AHCYL1: variants seen among roughly 807,000 people sequenced by gnomAD.
AHCYL1 encodes the protein S-adenosylhomocysteine hydrolase-like protein 1.
AHCYL1 carries 20 observed loss-of-function variants against 79.3 expected under a neutral mutation model. The observed-to-expected ratio is 0.25, with a 90% CI of 0.18 to 0.37. AHCYL1 has a LOEUF of 0.37. Ranked by LOEUF, AHCYL1 falls within the 10% of genes least tolerant of loss-of-function variation. The pLI is 1.00. For synonymous variants in AHCYL1, 223 were observed against 242.2 expected (o/e 0.92, Z 0.74); for missense variants, 330 against 673.6 (o/e 0.49, Z 5.65).
At chr1:110,019,304 GT>G (rs1651638645) in intron 14 of AHCYL1, among the ~76,000 whole-genome samples, 185 bp downstream of exon 14, 1 of 152,172 alleles carries the variant, frequency 6.6e-6, no homozygotes, top group African/African-American at 2.4e-5. Flanking sequence ...TGAATTGGCT[GT>G]TTTAGTTGAG....
At chr1:109,995,707 C>T (rs1329882762) in intron 1 of AHCYL1, 1 of 984,988 alleles carries the variant, frequency 1.0e-6, no homozygotes, top group Non-Finnish European at 1.2e-6. Context: ...AAGAAGGTAT[C>T]AGTCACATAG....
intron 15 of AHCYL1, 148 bp from the exon 16 acceptor site, chr1:110,020,583 T>G (rs1025284597): frequency 3.2e-5 from 37 of 1,148,786 alleles, no homozygotes; most frequent in Non-Finnish European, 4.4e-5. Flanking sequence ...TTTTTTTAAT[T>G]AAGCAAATAT....
intron 1 of AHCYL1, among the ~76,000 whole-genome samples, chr1:110,000,618 T>C (rs1407327280): frequency 2.0e-5 from 3 of 152,210 alleles, no homozygotes; most frequent in Non-Finnish European, 4.4e-5. Context: ...AGAAAGCTTA[T>C]AGTGCAACAG....
At chr1:109,989,311 AC>A (rs1490641890) in intron 1 of AHCYL1, among the ~76,000 whole-genome samples, 1 of 152,180 alleles carries the variant, frequency 6.6e-6, no homozygotes, top group Non-Finnish European at 1.5e-5. Flanking sequence ...ACAAATGTAT[AC>A]CTTTTCTTTT....
chr1:110,020,010 G>A (rs1651688362), intron 15 of AHCYL1, among the ~76,000 whole-genome samples: 1 of 152,196 alleles, frequency 6.6e-6, no homozygotes, highest in South Asian at 2.1e-4. Flanking sequence ...GTGAGGATAT[G>A]CAAACCATCC....
chr1:110,004,341 C>A, intron 1 of AHCYL1: 1 of 985,392 alleles, frequency 1.0e-6, no homozygotes, highest in Non-Finnish European at 1.2e-6. Flanking sequence ...CCAAAACCTG[C>A]TAAGTCTCAG....
rs1651886442 is a variant in AHCYL1, at chr1:110,022,873, A to G, written c.*1193A>G. The G allele has an allele frequency of 6.6e-6, 1 of 152,482 alleles. No homozygotes were observed. Among genetic ancestry groups the G allele is most frequent in the South Asian group, 2.1e-4 (1 of 4,836 alleles). 9.4% of individuals were successfully genotyped at this position (152,482 alleles called of 1,614,324 possible). On this transcript the variant is annotated 3_prime_UTR_variant, in exon 17 of 17. Transcript: ENST00000369799. ...GTAATATGACTTTTGATTGCTACAT[A>G]CCACAAAGAGTTTATGAACTGAGAT...
Position 110,014,860 on chromosome 1 carries a change from A to T in AHCYL1, c.675+3A>T. ...TGGATGGGTGGCAGGCCAACATGGTAATAATGCATATACATCCTACACTTT... is the reference window on the plus strand; with the variant it reads ...TGGATGGGTGGCAGGCCAACATGGTTATAATGCATATACATCCTACACTTT... On this transcript the variant is annotated splice_donor_region_variant and intron_variant, in intron 6 of 16. Transcript: ENST00000369799. The T allele has an allele frequency of 6.2e-7, 1 of 1,610,662 alleles. No individual in the cohort carries two copies. The highest frequency in any genetic ancestry group is 8.5e-7 in the Non-Finnish European group (1 of 1,176,812).
rs748798463 is a variant in AHCYL1, at chr1:109,985,051, GA to G, written c.1del. 6.3e-7 allele frequency: 1 copy of G among 1,580,098 alleles called. No individual in the cohort carries two copies. On this transcript the variant is annotated 5_prime_UTR_variant, in exon 1 of 17. Coordinates refer to ENST00000369799, the MANE Select transcript of AHCYL1 (RefSeq NM_006621.7). ...TCAGCCGCTGGCCGGGCCGGCCGGG[GA>G]ATGTCGATGCCTGACGCGATGCCGC...
At position 109,987,140 on chromosome 1, in the gene AHCYL1, G is replaced by A. The variant is rs538861920; in HGVS notation, c.120+1968G>A. Reference sequence around the variant, plus strand: ...CATTTACGTAGTACTTTGTAATAAAGTGTTTCATGATGACTAATTACCCTT... The same window carrying A: ...CATTTACGTAGTACTTTGTAATAAAATGTTTCATGATGACTAATTACCCTT... On this transcript the variant is annotated intron_variant, in intron 1 of 16. Transcript: ENST00000369799. 4.6e-5 allele frequency among the ~76,000 whole-genome samples: 7 copies of A among 152,278 alleles called. No homozygotes were observed. In the South Asian group the frequency reaches 1.5e-3, roughly 32 times the overall value.
Position 109,997,557 on chromosome 1 carries a change from G to A in AHCYL1, c.121-11477G>A, listed in dbSNP as rs151261182. On this transcript the variant is annotated intron_variant, in intron 1 of 16. Transcript: ENST00000369799. ...CCAAATAGTACCCGGGATAAAAAGC[G>A]GGACGGCAGATAAGGGTTTGCCTTA... is the stretch of plus-strand genomic sequence containing the variant. 1.9e-3 allele frequency among the ~76,000 whole-genome samples: 293 copies of A among 152,294 alleles called. 1 individual carries two copies. Among genetic ancestry groups the A allele is most frequent in the African/African-American group, 6.7e-3 (279 of 41,552 alleles).
At chr1:110,018,925 A>C in intron 13 of AHCYL1, 126 bp from the exon 14 acceptor site, 2 of 917,012 alleles carry the variant, frequency 2.2e-6, no homozygotes, top group Non-Finnish European at 1.8e-6. Flanking sequence ...CCTGATCTGG[A>C]ACTGTAATTC....
At position 109,985,001 on chromosome 1, in the gene AHCYL1, G is replaced by C. The variant is rs1037964641; in HGVS notation, c.-52G>C. On this transcript the variant is annotated 5_prime_UTR_variant, in exon 1 of 17. Transcript: ENST00000369799. ...CGCGGGCAGGCGGGCGGGCGCCAGAGGGGGAAAGAGGCGGGGGCGGCGGGT... is the reference window on the plus strand; with the variant it reads ...CGCGGGCAGGCGGGCGGGCGCCAGACGGGGAAAGAGGCGGGGGCGGCGGGT... The C allele has an allele frequency of 1.3e-5, 19 of 1,468,772 alleles. No homozygotes were observed. The highest frequency in any genetic ancestry group is 1.6e-5 in the Non-Finnish European group (18 of 1,106,328). 91.0% of individuals were successfully genotyped at this position (1,468,772 alleles called of 1,614,324 possible). A position where few individuals can be genotyped will look rare whatever the true frequency, so the allele number is the denominator to read the frequency against.
At chr1:109,997,613 T>G (rs1650093469) in intron 1 of AHCYL1, among the ~76,000 whole-genome samples, 1 of 152,204 alleles carries the variant, frequency 6.6e-6, no homozygotes. Flanking sequence ...ATATCTCTGT[T>G]GCTGGAAAAG....
intron 1 of AHCYL1, 79 bp from the exon 2 acceptor site, chr1:110,008,955 G>C: frequency 8.9e-7 from 1 of 1,124,044 alleles, no homozygotes; most frequent in Non-Finnish European, 1.3e-6. Context: ...TTTAGGGAAA[G>C]ACAATGTATC....
chr1:110,006,710 T>G (rs138651431), intron 1 of AHCYL1, among the ~76,000 whole-genome samples: 4 of 152,364 alleles, frequency 2.6e-5, no homozygotes, highest in African/African-American at 9.6e-5. Flanking sequence ...AGAGCAGATG[T>G]ATTCCACAGC....
rs774883786 is a variant in AHCYL1 at position 110,009,871 on chromosome 1, A to G, written c.232+726A>G. ...TTAGGGACATCTAATGGGGCATCCA[A>G]TACAACCTTGTCATTGTTTAACTGA... On this transcript the variant is annotated intron_variant, in intron 2 of 16. Coordinates refer to ENST00000369799, the MANE Select transcript of AHCYL1 (RefSeq NM_006621.7). 2.4e-4 allele frequency among the ~76,000 whole-genome samples: 37 copies of G among 152,256 alleles called. 1 individual carries two copies. The highest frequency in any genetic ancestry group is 4.1e-4 in the Non-Finnish European group (28 of 68,046).
intron 1 of AHCYL1, among the ~76,000 whole-genome samples, chr1:109,990,693 T>G (rs1204122493): frequency 1.3e-5 from 2 of 152,206 alleles, no homozygotes; most frequent in African/African-American, 4.8e-5. Flanking sequence ...TTAGAGCTTT[T>G]GATGGAGTTG....
chr1:110,020,468 A>C (rs1233361329), intron 15 of AHCYL1, among the ~76,000 whole-genome samples: 1 of 152,120 alleles, frequency 6.6e-6, no homozygotes, highest in Non-Finnish European at 1.5e-5. Context: ...AAGGATAGAG[A>C]GGTAAAAGCC....
Sources: allele counts gnomAD v4.1 joint callset (sites outside exome capture counted in the v4.1 genomes callset), GRCh38; gene constraint gnomAD v4.1.1; transcripts MANE v1.5; gene names NCBI Gene and HGNC (gene_info 2026-07-23, HGNC 2026-07-21).